SRPK2: variants seen among roughly 807,000 people sequenced by gnomAD.
SRPK2 encodes the protein SFRS protein kinase 2.
A neutral mutation model predicts 90.8 loss-of-function variants in SRPK2; 21 were observed. The observed-to-expected ratio is 0.23, with a 90% CI of 0.16 to 0.33. The LOEUF (loss-of-function observed/expected upper bound fraction) is 0.33, where lower values mean the gene tolerates loss of function less well. Ranked by LOEUF, SRPK2 falls within the 10% of genes least tolerant of loss-of-function variation. SRPK2 has a pLI of 1.00. For synonymous variants in SRPK2, 288 were observed against 311.1 expected (o/e 0.93, Z 0.78); for missense variants, 620 against 869.0 (o/e 0.71, Z 3.60).
At chr7:105,279,389 C>T (rs937866167) in intron 2 of SRPK2, among the ~76,000 whole-genome samples, 3 of 152,150 alleles carry the variant, frequency 2.0e-5, no homozygotes, top group Non-Finnish European at 4.4e-5. Flanking sequence ...AAATTTATAA[C>T]CCAAGAGAAA....
At chr7:105,136,777 G>A (rs1039055613) in intron 11 of SRPK2, among the ~76,000 whole-genome samples, 1 of 152,204 alleles carries the variant, frequency 6.6e-6, no homozygotes, top group Admixed American at 6.5e-5. Flanking sequence ...GGTTCACTAT[G>A]AGGCCCAAGG....
intron 3 of SRPK2, among the ~76,000 whole-genome samples, chr7:105,188,012 C>A (rs1793810223): frequency 6.6e-6 from 1 of 152,130 alleles, no homozygotes; most frequent in Non-Finnish European, 1.5e-5. Context: ...TATGACCCAG[C>A]ACTTCCACTC....
At chr7:105,264,868 A>G (rs1478865416) in intron 2 of SRPK2, among the ~76,000 whole-genome samples, 2 of 152,146 alleles carry the variant, frequency 1.3e-5, no homozygotes, top group Non-Finnish European at 1.5e-5. Context: ...CTCATCTCAC[A>G]AACTCCTCAG....
At chr7:105,251,049 T>C (rs969213898) in intron 2 of SRPK2, among the ~76,000 whole-genome samples, 1 of 152,200 alleles carries the variant, frequency 6.6e-6, no homozygotes, top group South Asian at 2.1e-4. Context: ...GAGGATGAAA[T>C]GGACACTGCA....
intron 2 of SRPK2, among the ~76,000 whole-genome samples, chr7:105,242,132 A>G (rs1563132599): frequency 6.6e-6 from 1 of 152,224 alleles, no homozygotes; most frequent in Non-Finnish European, 1.5e-5. Context: ...TATAAAATGA[A>G]TATGATATCA....
intron 2 of SRPK2, chr7:105,204,915 A>G (rs573507156): frequency 2.7e-6 from 1 of 376,412 alleles, no homozygotes; most frequent in East Asian, 7.3e-5. Context: ...CTTTTGGAAC[A>G]CTGTTGCTCT....
At chr7:105,365,760 C>T (rs1002158186) in intron 2 of SRPK2, among the ~76,000 whole-genome samples, 2 of 151,730 alleles carry the variant, frequency 1.3e-5, no homozygotes, top group African/African-American at 4.8e-5. Flanking sequence ...CATGCCACTT[C>T]ACTCCGGCCT....
intron 2 of SRPK2, among the ~76,000 whole-genome samples, chr7:105,262,698 C>G (rs530966924): frequency 2.6e-5 from 4 of 152,286 alleles, no homozygotes; most frequent in African/African-American, 9.6e-5. Context: ...GCTTCTAATT[C>G]TGTTCCCCCT....
intron 3 of SRPK2, among the ~76,000 whole-genome samples, chr7:105,183,252 A>G (rs920957764): frequency 1.3e-5 from 2 of 152,142 alleles, no homozygotes; most frequent in Non-Finnish European, 2.9e-5. Flanking sequence ...GATTTTTCAG[A>G]AAAAACCCTA....
intron 2 of SRPK2, among the ~76,000 whole-genome samples, chr7:105,211,163 AG>A (rs1247916152): frequency 1.3e-5 from 2 of 152,182 alleles, no homozygotes; most frequent in South Asian, 4.1e-4. Flanking sequence ...AGCAAGTGAA[AG>A]TGAATACACT....
intron 2 of SRPK2, among the ~76,000 whole-genome samples, chr7:105,306,795 CTA>C (rs1811196372): frequency 6.6e-6 from 1 of 152,096 alleles, no homozygotes; most frequent in South Asian, 2.1e-4. Flanking sequence ...AAGTAAAACA[CTA>C]TTACAAGAAC....
intron 3 of SRPK2, among the ~76,000 whole-genome samples, chr7:105,198,836 G>A (rs1448963364): frequency 6.6e-6 from 1 of 152,142 alleles, no homozygotes; most frequent in African/African-American, 2.4e-5. Flanking sequence ...AGCCTAAAGA[G>A]AAAGGAATTT....
intron 2 of SRPK2, chr7:105,244,895 C>G (rs1466375883): frequency 1.4e-6 from 2 of 1,447,222 alleles, no homozygotes; most frequent in African/African-American, 2.8e-5. Flanking sequence ...GGGCGCACAT[C>G]CGCGCCAAGA....
intron 2 of SRPK2, among the ~76,000 whole-genome samples, chr7:105,259,438 C>T (rs935086296): frequency 1.3e-5 from 2 of 152,142 alleles, no homozygotes; most frequent in East Asian, 1.9e-4. Context: ...GAATCAATAT[C>T]GTGAAAATGG....
intron 3 of SRPK2, among the ~76,000 whole-genome samples, chr7:105,174,023 T>C (rs1017645872): frequency 6.6e-6 from 1 of 150,420 alleles, no homozygotes; most frequent in African/African-American, 2.4e-5. Context: ...GGCAGGTGGA[T>C]TGTTTGAGCC....
intron 2 of SRPK2, among the ~76,000 whole-genome samples, chr7:105,314,237 T>C (rs1812058919): frequency 2.0e-5 from 3 of 151,356 alleles, no homozygotes; most frequent in Admixed American, 2.0e-4. Context: ...GAGGTTGAGA[T>C]ATGAAAATCA....
chr7:105,205,517 TCACA>T (rs543121144), intron 2 of SRPK2, among the ~76,000 whole-genome samples: 1,875 of 95,600 alleles, frequency 0.02, 32 homozygotes, highest in African/African-American at 0.038. Flanking sequence ...TCTCTCTCTC[TCACA>T]CACACACACA....
intron 2 of SRPK2, among the ~76,000 whole-genome samples, chr7:105,380,529 T>C (rs1397643880): frequency 6.9e-6 from 1 of 145,348 alleles, no homozygotes; most frequent in East Asian, 2.2e-4. Context: ...AAATTTTTTT[T>C]TTTTTTTTTT....
chr7:105,304,117 AC>A (rs1011345915), intron 2 of SRPK2, among the ~76,000 whole-genome samples: 11 of 152,358 alleles, frequency 7.2e-5, no homozygotes, highest in African/African-American at 2.6e-4. Flanking sequence ...TCTCAATGGC[AC>A]TGCTAATGTA....
Sources: gnomAD v4.1 joint callset for allele counts (sites outside exome capture counted in the v4.1 genomes callset) on GRCh38, gnomAD v4.1.1 for gene constraint, MANE v1.5 for transcripts, NCBI Gene and HGNC (gene_info 2026-07-23, HGNC 2026-07-21) for gene names.